HTR1F: variants seen among roughly 807,000 people sequenced by gnomAD.
HTR1F encodes 5-hydroxytryptamine receptor 1F, also known as 5-hydroxytryptamine (serotonin) receptor 1F, G protein-coupled.
HTR1F carries 17 observed loss-of-function variants against 24.0 expected under a neutral mutation model. The observed-to-expected ratio is 0.71, with a 90% CI of 0.48 to 1.06. The LOEUF (loss-of-function observed/expected upper bound fraction) is 1.06, where lower values mean the gene tolerates loss of function less well. Among genes scored for constraint, HTR1F ranks in the 50% least tolerant of loss-of-function variants. HTR1F has a pLI of 0.00. For missense variants in HTR1F, 391 were observed against 427.8 expected, an observed-to-expected ratio of 0.91 and a Z score of 0.76; for synonymous variants, 186 against 156.8, an observed-to-expected ratio of 1.19 and a Z score of -1.39.
intron 2 of HTR1F, among the ~76,000 whole-genome samples, chr3:87,960,041 T>C (rs1291386928): frequency 6.6e-6 from 1 of 152,004 alleles, no homozygotes; most frequent in East Asian, 1.9e-4. Flanking sequence ...ATCTTGATCC[T>C]TAAAAAACAA....
chr3:87,867,328 G>A (rs560502816), intron 2 of HTR1F, among the ~76,000 whole-genome samples: 7 of 151,620 alleles, frequency 4.6e-5, no homozygotes, highest in Non-Finnish European at 7.4e-5. Context: ...ATTGTACATC[G>A]AAATGTTCTA....
chr3:87,979,790 C>T (rs763228351), intron 2 of HTR1F, among the ~76,000 whole-genome samples: 4 of 152,224 alleles, frequency 2.6e-5, no homozygotes, highest in Non-Finnish European at 5.9e-5. Context: ...CTGCACATAG[C>T]CAGGCGCGCT....
intron 2 of HTR1F, among the ~76,000 whole-genome samples, chr3:87,886,682 C>T (rs1027879712): frequency 2.0e-5 from 3 of 152,058 alleles, no homozygotes; most frequent in Admixed American, 6.6e-5. Context: ...CACAAGCATT[C>T]GTCTACACCA....
At chr3:87,988,677 G>A (rs1189460992) in intron 2 of HTR1F, among the ~76,000 whole-genome samples, 7 of 152,008 alleles carry the variant, frequency 4.6e-5, no homozygotes, top group South Asian at 2.1e-4. Context: ...TCCACTTCCC[G>A]AGTTCAAGCA....
At chr3:87,867,824 C>G (rs1327356299) in intron 2 of HTR1F, among the ~76,000 whole-genome samples, 1 of 152,074 alleles carries the variant, frequency 6.6e-6, no homozygotes, top group Non-Finnish European at 1.5e-5. Context: ...GGGTCTTGAT[C>G]TATAATAATT....
chr3:87,859,646 A>G (rs1430363529), intron 2 of HTR1F, among the ~76,000 whole-genome samples: 2 of 152,222 alleles, frequency 1.3e-5, no homozygotes, highest in African/African-American at 2.4e-5. Flanking sequence ...TGGCAAGCAC[A>G]TGAGAAGCAT....
chr3:87,897,307 T>TA (rs1201518868), intron 2 of HTR1F, among the ~76,000 whole-genome samples: 3 of 150,438 alleles, frequency 2.0e-5, no homozygotes, highest in Non-Finnish European at 3.0e-5. Context: ...TGGATAGACA[T>TA]AAAAAACATA....
chr3:87,909,970 C>A (rs964121217), intron 2 of HTR1F, among the ~76,000 whole-genome samples: 1 of 152,002 alleles, frequency 6.6e-6, no homozygotes, highest in Non-Finnish European at 1.5e-5. Flanking sequence ...ACAGATTAAT[C>A]TATTCTTAAT....
At chr3:87,883,649 T>C (rs1180049015) in intron 2 of HTR1F, among the ~76,000 whole-genome samples, 4 of 152,110 alleles carry the variant, frequency 2.6e-5, no homozygotes, top group Non-Finnish European at 5.9e-5. Flanking sequence ...AGAGAAGACC[T>C]TGACCTGATG....
At chr3:87,959,087 A>G (rs1342100307) in intron 2 of HTR1F, among the ~76,000 whole-genome samples, 7 of 151,770 alleles carry the variant, frequency 4.6e-5, no homozygotes, top group Non-Finnish European at 8.8e-5. Context: ...CTTGAGTTAC[A>G]TATCTATGTT....
chr3:87,794,295 C>A (rs1224457907), intron 1 of HTR1F, among the ~76,000 whole-genome samples: 4 of 152,198 alleles, frequency 2.6e-5, no homozygotes, highest in Non-Finnish European at 4.4e-5. Context: ...GTCCAAGCAT[C>A]ACCACTTCGT....
At chr3:87,916,909 A>C (rs567504048) in intron 2 of HTR1F, among the ~76,000 whole-genome samples, 9 of 152,256 alleles carry the variant, frequency 5.9e-5, no homozygotes, top group African/African-American at 2.2e-4. Context: ...CCATAAATAC[A>C]CATTCTATTC....
chr3:87,847,773 A>C (rs1440258282), intron 2 of HTR1F, among the ~76,000 whole-genome samples: 1 of 151,728 alleles, frequency 6.6e-6, no homozygotes, highest in African/African-American at 2.4e-5. Context: ...TAGTCCCCAC[A>C]TGTGAGGGAA....
At chr3:87,982,740 G>A (rs1440749980) in intron 2 of HTR1F, among the ~76,000 whole-genome samples, 3 of 152,152 alleles carry the variant, frequency 2.0e-5, no homozygotes, top group African/African-American at 7.2e-5. Flanking sequence ...ATTTGTCTGG[G>A]TGAATTTCAG....
chr3:87,862,944 G>A (rs1201123196), intron 2 of HTR1F, among the ~76,000 whole-genome samples: 9 of 151,972 alleles, frequency 5.9e-5, no homozygotes, highest in Admixed American at 2.0e-4. Flanking sequence ...AGCCTCCAGA[G>A]TAGCTGGGAT....
At chr3:87,931,377 C>G (rs944774948) in intron 2 of HTR1F, among the ~76,000 whole-genome samples, 1 of 152,160 alleles carries the variant, frequency 6.6e-6, no homozygotes, top group Non-Finnish European at 1.5e-5. Flanking sequence ...AGGACGTGAA[C>G]TCATCATTTC....
chr3:87,921,427 A>G (rs139818837), intron 2 of HTR1F, among the ~76,000 whole-genome samples: 213 of 152,094 alleles, frequency 1.4e-3, no homozygotes, highest in African/African-American at 4.9e-3. Context: ...TTAACTTAAA[A>G]TATAACATGC....
intron 2 of HTR1F, among the ~76,000 whole-genome samples, chr3:87,837,414 C>T (rs1186545961): frequency 2.0e-5 from 3 of 152,002 alleles, no homozygotes; most frequent in Non-Finnish European, 4.4e-5. Flanking sequence ...CTTACAGTTC[C>T]AGCAAAAATC....
At chr3:87,805,465 T>C (rs1704058879) in intron 1 of HTR1F, among the ~76,000 whole-genome samples, 1 of 152,038 alleles carries the variant, frequency 6.6e-6, no homozygotes, top group Non-Finnish European at 1.5e-5. Context: ...CTTATTTAGG[T>C]TTTTCCTGTG....
Sources: gnomAD v4.1 joint callset for allele counts (sites outside exome capture counted in the v4.1 genomes callset) on GRCh38, gnomAD v4.1.1 for gene constraint, MANE v1.5 for transcripts, NCBI Gene and HGNC (gene_info 2026-07-23, HGNC 2026-07-21) for gene names.